DMD: variants seen among roughly 807,000 people sequenced by gnomAD.
The protein encoded by DMD is mutant dystrophin.
DMD carries 63 observed loss-of-function variants against 330.1 expected under a neutral mutation model. The observed-to-expected ratio is 0.19, with a 90% CI of 0.16 to 0.24. The LOEUF (loss-of-function observed/expected upper bound fraction) is 0.24, where lower values mean the gene tolerates loss of function less well. Among genes scored for constraint, DMD ranks in the 10% least tolerant of loss-of-function variants. The pLI is 1.00. For missense variants in DMD, 3,344 were observed against 2,684.1 expected (o/e 1.25, Z -5.43); for synonymous variants, 1,223 against 959.8 (o/e 1.27, Z -5.07).
At chrX:32,836,155 C>T (rs1355296720) in intron 4 of DMD, among the ~76,000 whole-genome samples, 5 of 108,800 alleles carry the variant, frequency 4.6e-5, no homozygotes, top group African/African-American at 3.3e-5. Flanking sequence ...CCTCAGCCTC[C>T]CCAGTAGCTG....
intron 67 of DMD, among the ~76,000 whole-genome samples, chrX:31,190,949 G>A (rs2042283458): frequency 1.8e-5 from 2 of 111,347 alleles, no homozygotes; most frequent in Non-Finnish European, 3.8e-5. Flanking sequence ...TTCAACTGCC[G>A]AAATGCCACA....
At chrX:32,975,712 C>A (rs1308354749) in intron 2 of DMD, among the ~76,000 whole-genome samples, 1 of 110,302 alleles carries the variant, frequency 9.1e-6, no homozygotes, top group Non-Finnish European at 1.9e-5. Context: ...AAATGTAAGA[C>A]TTGAGGCTGG....
chrX:32,791,502 C>T (rs2075819278), intron 7 of DMD, among the ~76,000 whole-genome samples: 1 of 111,835 alleles, frequency 8.9e-6, no homozygotes, highest in South Asian at 3.7e-4. Flanking sequence ...CTGCTAACAA[C>T]TGCACCCTAA....
At chrX:32,304,406 C>T (rs367598627) in intron 42 of DMD, among the ~76,000 whole-genome samples, 102 of 110,760 alleles carry the variant, frequency 9.2e-4, no homozygotes, top group South Asian at 6.8e-3. Context: ...CAAGGTAGGA[C>T]AACTGCTAGG....
At chrX:32,044,655 A>G (rs111693015) in intron 44 of DMD, among the ~76,000 whole-genome samples, 1 of 109,966 alleles carries the variant, frequency 9.1e-6, no homozygotes, top group African/African-American at 3.3e-5. Flanking sequence ...ATCTCCTGAC[A>G]TCATGATCCG....
intron 51 of DMD, among the ~76,000 whole-genome samples, chrX:31,764,425 A>G (rs2089852656): frequency 1.8e-5 from 2 of 111,650 alleles, no homozygotes; most frequent in African/African-American, 6.5e-5. Flanking sequence ...CTTTCGTATA[A>G]TATAACATGA....
intron 60 of DMD, among the ~76,000 whole-genome samples, chrX:31,390,163 C>T (rs1224886751): frequency 2.7e-5 from 3 of 109,854 alleles, no homozygotes; most frequent in African/African-American, 6.6e-5. Context: ...AAGCCCAGAC[C>T]GAAAGCCATC....
rs1328897961 is a variant in DMD at position 33,305,616 on chromosome X, A to AAG, written c.7+33642_7+33643insCT. Among the ~76,000 whole-genome samples, 6 of 110,230 alleles carry AAG rather than the reference A, an allele frequency of 5.4e-5. No homozygotes were observed. In the Admixed American group the frequency reaches 5.8e-4, roughly 11 times the overall value. The stretch of plus-strand genomic sequence containing the variant: ...CCAAATATAACTTCAAAAAAAAAAA[A>AAG]AAGAAATCTATACCTAATTTAGGAG... On this transcript the variant is annotated intron_variant, in intron 1 of 17. Transcript: ENST00000288447.
intron 45 of DMD, among the ~76,000 whole-genome samples, chrX:31,966,818 A>G (rs2095355581): frequency 9.0e-6 from 1 of 110,977 alleles, no homozygotes; most frequent in Non-Finnish European, 1.9e-5. Context: ...ATTCAGGTGA[A>G]TTAGAGTTAT....
At chrX:32,455,100 C>T (rs1449017795) in intron 25 of DMD, among the ~76,000 whole-genome samples, 1 of 110,896 alleles carries the variant, frequency 9.0e-6, no homozygotes, top group Non-Finnish European at 1.9e-5. Flanking sequence ...TGTGACAATG[C>T]TTTTCTGTGA....
chrX:32,442,662 G>T (rs1272927316), intron 27 of DMD, among the ~76,000 whole-genome samples: 1 of 110,710 alleles, frequency 9.0e-6, no homozygotes, highest in African/African-American at 3.3e-5. Context: ...CATCCTCAGA[G>T]AAACTGTTTA....
intron 62 of DMD, among the ~76,000 whole-genome samples, chrX:31,314,638 T>C (rs2055814667): frequency 9.0e-6 from 1 of 110,775 alleles, no homozygotes; most frequent in East Asian, 2.8e-4. Context: ...TATCCAGAGA[T>C]ACTGTTTTTC....
chrX:32,867,830 A>T (rs770242425), intron 2 of DMD, among the ~76,000 whole-genome samples: 9 of 111,731 alleles, frequency 8.1e-5, no homozygotes, highest in Non-Finnish European at 1.7e-4. Flanking sequence ...AATTTAAATA[A>T]TGGCTCGGTC....
intron 1 of DMD, among the ~76,000 whole-genome samples, chrX:33,087,700 T>A (rs1383268283): frequency 8.9e-6 from 1 of 111,923 alleles, no homozygotes; most frequent in Non-Finnish European, 1.9e-5. Flanking sequence ...AAACAGATCT[T>A]TCTTCATAGA....
At chrX:32,422,346 A>T (rs2098193532) in intron 29 of DMD, among the ~76,000 whole-genome samples, 1 of 111,827 alleles carries the variant, frequency 8.9e-6, no homozygotes, top group South Asian at 3.7e-4. Flanking sequence ...GGGAGTCAAA[A>T]GTGGGTATGT....
At chrX:32,639,996 G>A (rs1310436641) in intron 11 of DMD, among the ~76,000 whole-genome samples, 1 of 109,920 alleles carries the variant, frequency 9.1e-6, no homozygotes, top group African/African-American at 3.3e-5. Flanking sequence ...GAGGCCAGGA[G>A]CTTGAGACTA....
At chrX:32,568,479 C>G (rs1196201654) in intron 15 of DMD, among the ~76,000 whole-genome samples, 1 of 105,949 alleles carries the variant, frequency 9.4e-6, no homozygotes, top group East Asian at 3.0e-4. Flanking sequence ...TGCACTCCAG[C>G]CTGGGCAACA....
At chrX:32,336,181 T>G (rs62590688) in intron 41 of DMD, among the ~76,000 whole-genome samples, 55,422 of 108,567 alleles carry the variant, frequency 0.51, 11,497 homozygotes, top group South Asian at 0.76. Context: ...TGTGTATATA[T>G]GTATAGCATG....
At chrX:33,174,314 T>A (rs1039025232) in intron 1 of DMD, among the ~76,000 whole-genome samples, 4 of 110,300 alleles carry the variant, frequency 3.6e-5, no homozygotes, top group Non-Finnish European at 7.6e-5. Context: ...AAACTGAAAG[T>A]CTCCTATGAA....
Sources: gnomAD v4.1 joint callset for allele counts (sites outside exome capture counted in the v4.1 genomes callset) on GRCh38, gnomAD v4.1.1 for gene constraint, MANE v1.5 for transcripts, NCBI Gene and HGNC (gene_info 2026-07-23, HGNC 2026-07-21) for gene names.